The following PRKN variants were observed in gnomAD, a reference collection of about 807,000 sequenced individuals.
PRKN encodes E3 ubiquitin-protein ligase parkin.
A neutral mutation model predicts 59.5 loss-of-function variants in PRKN; 56 were observed. The observed-to-expected ratio is 0.94, with a 90% CI of 0.76 to 1.18. The LOEUF is 1.18. Among genes scored for constraint, PRKN ranks in the 50% most tolerant of loss-of-function variants. The probability of loss-of-function intolerance (pLI) is 0.00; values close to 1 mark genes in which losing one functional copy is unlikely to be tolerated. For synonymous variants in PRKN, 250 were observed against 222.1 expected (o/e 1.13, Z -1.12); for missense variants, 657 against 596.4 (o/e 1.10, Z -1.06).
rs145069014 is a variant in PRKN, at chr6:162,182,643, C to T, written c.534+18488G>A. On this transcript the variant is annotated intron_variant, in intron 4 of 11. Transcript: ENST00000366898. ...TCCCATGGGCTCATCCCAGGATCCT[C>T]GCAGGAGTACACGGGAATTTTTCTC... Among the ~76,000 whole-genome samples the T allele has an allele frequency of 7.0e-3, 1,067 of 152,320 alleles. 13 individuals are homozygous for T. The highest frequency in any genetic ancestry group is 0.025 in the African/African-American group (1,031 of 41,568).
chr6:161,673,426 C>T (rs1784979198), intron 7 of PRKN, among the ~76,000 whole-genome samples: 1 of 152,096 alleles, frequency 6.6e-6, no homozygotes, highest in African/African-American at 2.4e-5. Flanking sequence ...GGAGCAAGAC[C>T]CTGACGGGAA....
intron 6 of PRKN, among the ~76,000 whole-genome samples, chr6:161,925,391 G>A (rs575088145): frequency 6.6e-6 from 1 of 152,218 alleles, no homozygotes; most frequent in East Asian, 1.9e-4. Context: ...CTAACAGGGT[G>A]AAATCCCGTC....
chr6:161,490,661 G>T (rs1777519791), intron 9 of PRKN, among the ~76,000 whole-genome samples: 1 of 152,062 alleles, frequency 6.6e-6, no homozygotes, highest in African/African-American at 2.4e-5. Flanking sequence ...AAAGTGCTGG[G>T]ATTACAGGTG....
intron 5 of PRKN, among the ~76,000 whole-genome samples, chr6:161,980,595 G>A (rs1562435728): frequency 1.3e-5 from 2 of 152,232 alleles, no homozygotes. Context: ...AATGGGAGAA[G>A]GTATTGGAGT....
At chr6:162,602,353 C>T (rs1480928089) in intron 1 of PRKN, among the ~76,000 whole-genome samples, 2 of 152,122 alleles carry the variant, frequency 1.3e-5, no homozygotes, top group African/African-American at 2.4e-5. Flanking sequence ...CAAGGGGAGG[C>T]ATCAAGTCAG....
chr6:161,655,818 T>G (rs1010711288), intron 7 of PRKN, among the ~76,000 whole-genome samples: 4 of 151,900 alleles, frequency 2.6e-5, no homozygotes, highest in Admixed American at 6.6e-5. Flanking sequence ...CACATGTTGA[T>G]TATTGATTTC....
At chr6:162,430,493 T>C (rs1789465176) in intron 2 of PRKN, among the ~76,000 whole-genome samples, 1 of 152,124 alleles carries the variant, frequency 6.6e-6, no homozygotes, top group Admixed American at 6.5e-5. Flanking sequence ...TCATACCTTA[T>C]GATACATAAT....
At chr6:161,774,200 T>C (rs961032270) in intron 7 of PRKN, among the ~76,000 whole-genome samples, 2 of 152,056 alleles carry the variant, frequency 1.3e-5, no homozygotes, top group Non-Finnish European at 2.9e-5. Context: ...TGAAGTCACT[T>C]GATTGAGTGT....
intron 2 of PRKN, among the ~76,000 whole-genome samples, chr6:162,323,824 T>G (rs991781219): frequency 6.6e-6 from 1 of 152,224 alleles, no homozygotes; most frequent in Middle Eastern, 3.4e-3. Flanking sequence ...TGGTAATCAG[T>G]TTGGAAAAGA....
intron 3 of PRKN, among the ~76,000 whole-genome samples, chr6:162,247,874 A>T: frequency 6.6e-6 from 1 of 152,222 alleles, no homozygotes; most frequent in East Asian, 1.9e-4. Context: ...TAATTTGATT[A>T]AATCGATAAT....
chr6:162,695,289 T>C (rs1278721292), intron 1 of PRKN, among the ~76,000 whole-genome samples: 4 of 152,156 alleles, frequency 2.6e-5, no homozygotes, highest in African/African-American at 4.8e-5. Context: ...AAATTCAAGA[T>C]GTATCATGCA....
At chr6:162,042,381 T>G (rs1038765458) in intron 5 of PRKN, among the ~76,000 whole-genome samples, 1 of 152,018 alleles carries the variant, frequency 6.6e-6, no homozygotes, top group African/African-American at 2.4e-5. Context: ...AAACTCCACC[T>G]CCGGGGCTAA....
chr6:161,482,499 C>A (rs1314220743), intron 9 of PRKN, among the ~76,000 whole-genome samples: 2 of 152,226 alleles, frequency 1.3e-5, no homozygotes, highest in Non-Finnish European at 2.9e-5. Flanking sequence ...AGGGAGAAAG[C>A]CGCCATAGAT....
intron 5 of PRKN, among the ~76,000 whole-genome samples, chr6:162,012,166 G>A (rs1331706477): frequency 6.6e-6 from 1 of 152,064 alleles, no homozygotes; most frequent in East Asian, 1.9e-4. Context: ...TGATGCCAAA[G>A]CCCATATTTG....
intron 7 of PRKN, among the ~76,000 whole-genome samples, chr6:161,653,811 G>A (rs755390233): frequency 6.6e-6 from 1 of 152,160 alleles, no homozygotes; most frequent in Non-Finnish European, 1.5e-5. Context: ...AAACATTACT[G>A]GACTGAAGAT....
intron 2 of PRKN, among the ~76,000 whole-genome samples, chr6:162,367,184 C>A (rs1785487143): frequency 6.6e-6 from 1 of 152,042 alleles, no homozygotes; most frequent in Admixed American, 6.6e-5. Context: ...GGCAGTTCTC[C>A]TTGCTGCCAT....
At chr6:161,961,866 T>C (rs1217538337) in intron 6 of PRKN, among the ~76,000 whole-genome samples, 1 of 152,188 alleles carries the variant, frequency 6.6e-6, no homozygotes, top group Non-Finnish European at 1.5e-5. Context: ...TTGCCTGTGA[T>C]ACTGATATAA....
At chr6:162,333,133 A>C (rs1245062442) in intron 2 of PRKN, among the ~76,000 whole-genome samples, 1 of 151,976 alleles carries the variant, frequency 6.6e-6, no homozygotes, top group African/African-American at 2.4e-5. Flanking sequence ...AGAGAAAGAG[A>C]CCCATATATT....
At chr6:162,300,998 A>G (rs1781918591) in intron 2 of PRKN, among the ~76,000 whole-genome samples, 1 of 152,136 alleles carries the variant, frequency 6.6e-6, no homozygotes. Context: ...GGATGCAATC[A>G]GAACTCCACA....
Sources: gnomAD v4.1 joint callset for allele counts (sites outside exome capture counted in the v4.1 genomes callset) on GRCh38, gnomAD v4.1.1 for gene constraint, MANE v1.5 for transcripts, NCBI Gene and HGNC (gene_info 2026-07-23, HGNC 2026-07-21) for gene names.